RAP1GAP: variants seen among roughly 807,000 people sequenced by gnomAD.
RAP1GAP encodes the protein RAP1 GTPase activating protein.
Under a neutral mutation model 87.2 loss-of-function variants are expected in RAP1GAP, and 35 were observed. The observed-to-expected ratio is 0.40, with a 90% CI of 0.31 to 0.53. The LOEUF (loss-of-function observed/expected upper bound fraction) is 0.53, where lower values mean the gene tolerates loss of function less well. RAP1GAP is among the 20% of genes least tolerant of loss of function. The probability of loss-of-function intolerance (pLI) is 0.48; values close to 1 mark genes in which losing one functional copy is unlikely to be tolerated. For synonymous variants in RAP1GAP, 375 were observed against 363.9 expected, an observed-to-expected ratio of 1.03 and a Z score of -0.35; for missense variants, 734 against 898.9, an observed-to-expected ratio of 0.82 and a Z score of 2.35.
At chr1:21,606,330 G>A in intron 17 of RAP1GAP, 133 bp from the exon 18 acceptor site, 1 of 1,328,248 alleles carries the variant, frequency 7.5e-7, no homozygotes, top group Non-Finnish European at 1.0e-6. Flanking sequence ...CCCTTCCCCT[G>A]GGCATGTGGC....
At chr1:21,618,265 C>T (rs3767115) in intron 5 of RAP1GAP, among the ~76,000 whole-genome samples, 16 of 152,076 alleles carry the variant, frequency 1.1e-4, no homozygotes, top group African/African-American at 3.6e-4. Flanking sequence ...GCGGTCTGGG[C>T]GGGGTCTGAG....
chr1:21,653,530 T>C (rs1237636757), intron 1 of RAP1GAP, among the ~76,000 whole-genome samples: 1 of 150,992 alleles, frequency 6.6e-6, no homozygotes, highest in Non-Finnish European at 1.5e-5. Context: ...GAAGTTTGCC[T>C]GAGAAGGGAG....
chr1:21,649,821 A>G, intron 1 of RAP1GAP, 25 bp from the exon 2 acceptor site: 1 of 1,550,778 alleles, frequency 6.4e-7, no homozygotes, highest in Non-Finnish European at 8.7e-7. Flanking sequence ...GAGGGGCCAT[A>G]GGTGAGGGGA....
intron 20 of RAP1GAP, among the ~76,000 whole-genome samples, chr1:21,601,370 A>G (rs1270557775): frequency 6.6e-6 from 1 of 151,020 alleles, no homozygotes; most frequent in Non-Finnish European, 1.5e-5. Flanking sequence ...CATCCCCCCA[A>G]CCCTGCTTCG....
intron 3 of RAP1GAP, among the ~76,000 whole-genome samples, 157 bp from the exon 4 acceptor site, chr1:21,620,207 G>A (rs1220402149): frequency 6.6e-6 from 1 of 152,178 alleles, no homozygotes; most frequent in Non-Finnish European, 1.5e-5. Flanking sequence ...CGTGGGAGGG[G>A]GTTCTGTGTG....
chr1:21,598,070 G>A lies in RAP1GAP; in HGVS notation c.1880-6C>T. 1 of 1,513,440 alleles carries A rather than the reference G, an allele frequency of 6.6e-7. No individual in the cohort carries two copies. Among genetic ancestry groups the A allele is most frequent in the Non-Finnish European group, 8.9e-7 (1 of 1,118,036 alleles). The allele number at this position is 1,513,440 out of a possible 1,614,324, so 93.8% of individuals were successfully genotyped here. On this transcript the variant is annotated splice_region_variant and splice_polypyrimidine_tract_variant and intron_variant, in intron 22 of 24. Coordinates refer to ENST00000374765, the MANE Select transcript of RAP1GAP (RefSeq NM_002885.4). ...GTGGGGTGATCGAGAGGGGCCTGGG[G>A]AGGGGGGCAGGAGGGAGCCACCTCA...
rs1427683623 is a variant in RAP1GAP at position 21,610,197 on chromosome 1, T to G, written c.922A>C (p.Met308Leu). The G allele has an allele frequency of 6.2e-7, 1 of 1,614,132 alleles. No individual in the cohort carries two copies. The highest frequency in any genetic ancestry group is 1.1e-5 in the South Asian group (1 of 91,084). Reference protein sequence around the residue: ...QDENTPFVPDMIASNFLHAYV... With the variant: ...QDENTPFVPDLIASNFLHAYV... ...GCATGCAGGAAGTTGGACGCGATCA[T>G]GTCGGGCACGAAAGGAGTGTTCTCA... is the stretch of plus-strand genomic sequence containing the variant. Residue 308 changes from methionine to leucine, a missense_variant, in exon 14 of 25, where the codon ATG becomes CTG. Physicochemically the swap from Met to Leu is conservative, Grantham distance 15. This residue lies in a region of RAP1GAP where 485 missense variants were observed against 646.2 expected (regional missense o/e 0.75). Coordinates refer to ENST00000374765, the MANE Select transcript of RAP1GAP (RefSeq NM_002885.4).
At chr1:21,655,579 T>C (rs967664860) in intron 1 of RAP1GAP, among the ~76,000 whole-genome samples, 2 of 152,240 alleles carry the variant, frequency 1.3e-5, no homozygotes, top group African/African-American at 4.8e-5. Flanking sequence ...ACTGCCATCG[T>C]TGAAGGAGTT....
In RAP1GAP at chr1:21,606,133, G is replaced by T; in HGVS notation, c.1361C>A (p.Thr454Asn). 1 of 1,585,242 alleles carries T rather than the reference G, an allele frequency of 6.3e-7. No homozygotes were observed. Residue 454 changes from threonine (T) to asparagine (N), a missense_variant, in exon 18 of 25, where the codon ACC (threonine) becomes AAC (asparagine). By Grantham distance (65) the Thr-to-Asn change is moderately conservative. This residue lies in a region of RAP1GAP where 485 missense variants were observed against 646.2 expected (regional missense o/e 0.75). Transcript: ENST00000374765. The stretch of plus-strand genomic sequence containing the variant: ...GCTCCCGCTGTGGCTGGTGGACACG[G>T]TGTTGGGCTTCTTGTTGCTCAGCCC... ...AMGLSNKKPN[T>N]VSTSHSGSFA... is the part of the protein sequence containing the mutation.
At chr1:21,657,250 C>G (rs997906833) in intron 1 of RAP1GAP, among the ~76,000 whole-genome samples, 3 of 152,208 alleles carry the variant, frequency 2.0e-5, no homozygotes, top group Non-Finnish European at 4.4e-5. Flanking sequence ...AAGGTCAACT[C>G]CAGCTCCCAC....
At chr1:21,654,163 T>C (rs2152120347) in intron 1 of RAP1GAP, among the ~76,000 whole-genome samples, 1 of 152,356 alleles carries the variant, frequency 6.6e-6, no homozygotes, top group South Asian at 2.1e-4. Flanking sequence ...GGACAGTCCC[T>C]GACCAGCTCC....
Position 21,611,768 on chromosome 1 carries a change from C to T in RAP1GAP, c.661G>A (p.Val221Met), listed in dbSNP as rs138971525. The T allele has an allele frequency of 9.1e-5, 147 of 1,614,142 alleles. No individual in the cohort carries two copies. The highest frequency in any genetic ancestry group is 8.3e-4 in the African/African-American group (62 of 75,068). The change falls in exon 12 of 25, where the codon GTG (valine) becomes ATG (methionine). Residue 221 changes from valine to methionine, a missense_variant. This residue lies in a region of RAP1GAP where 485 missense variants were observed against 646.2 expected (regional missense o/e 0.75). Coordinates refer to ENST00000374765, the MANE Select transcript of RAP1GAP (RefSeq NM_002885.4). ...FSTNEESPAF[V>M]EFLEFLGQKV... is the part of the protein sequence containing the mutation. ...TGGCCAAGAAATTCAAGGAACTCCACGAAAGCGGGACTTTCCTCATTGGTG... is the reference window on the plus strand; with the variant it reads ...TGGCCAAGAAATTCAAGGAACTCCATGAAAGCGGGACTTTCCTCATTGGTG...
intron 1 of RAP1GAP, among the ~76,000 whole-genome samples, chr1:21,653,678 C>T (rs1458953477): frequency 2.0e-5 from 3 of 151,070 alleles, no homozygotes; most frequent in East Asian, 2.0e-4. Context: ...TAAGTAGTAG[C>T]AGCAGCAGCA....
In RAP1GAP at chr1:21,603,949, G is replaced by A. The variant is rs1362327972; in HGVS notation, c.1429-1036C>T. 7.2e-7 allele frequency: 1 copy of A among 1,397,750 alleles called. No homozygotes were observed. Among genetic ancestry groups the A allele is most frequent in the Admixed American group, 2.2e-5 (1 of 46,108 alleles). 86.6% of individuals were successfully genotyped at this position (1,397,750 alleles called of 1,614,324 possible). On this transcript the variant is annotated intron_variant, in intron 18 of 24. Coordinates refer to ENST00000374765, the MANE Select transcript of RAP1GAP (RefSeq NM_002885.4). The surrounding 1 kb of genome is among the most constrained non-coding windows in gnomAD (Gnocchi z 6.0). ...CAGAGGGCGGGGGCAGAGAGAGAGA[G>A]ACAGAGAGAGAGTCAGAGAGCAAGA...
Position 21,599,549 on chromosome 1 carries a change from C to T in RAP1GAP, c.1721G>A (p.Ser574Asn). 6.2e-7 allele frequency: 1 copy of T among 1,609,808 alleles called. No individual in the cohort carries two copies. The highest frequency in any genetic ancestry group is 8.5e-7 in the Non-Finnish European group (1 of 1,179,982). ...DFSRSSSSAS[S>N]FASVVEETEG... Reference sequence around the variant, plus strand: ...CGTCTCCTCCACCACGCTGGCGAAGCTGCTGGCACTGGACGAGGAGCGGGA... The same window carrying T: ...CGTCTCCTCCACCACGCTGGCGAAGTTGCTGGCACTGGACGAGGAGCGGGA... The change falls in exon 21 of 25, where the codon AGC (serine) becomes AAC (asparagine). Residue 574 changes from serine (S) to asparagine (N), a missense_variant. Ser to Asn is a conservative substitution (Grantham distance 46). This residue lies in a region of RAP1GAP where 249 missense variants were observed against 252.7 expected (regional missense o/e 0.99). Transcript: ENST00000374765.
chr1:21,628,485 C>T (rs1181011680), intron 2 of RAP1GAP, among the ~76,000 whole-genome samples: 2 of 149,294 alleles, frequency 1.3e-5, no homozygotes, highest in East Asian at 2.0e-4. Context: ...TTTGGGAGGC[C>T]GAGGTGGGCA....
At chr1:21,661,367 T>C (rs2097149656) in intron 1 of RAP1GAP, among the ~76,000 whole-genome samples, 1 of 152,056 alleles carries the variant, frequency 6.6e-6, no homozygotes, top group South Asian at 2.1e-4. Context: ...CCTGATCAGC[T>C]CTATAGTCTC....
rs145342478 is a variant in RAP1GAP, at chr1:21,619,051, G to A, written c.40C>T (p.Arg14Cys). 6.2e-6 allele frequency: 10 copies of A among 1,602,488 alleles called. No homozygotes were observed. Among genetic ancestry groups the A allele is most frequent in the Admixed American group, 5.1e-5 (3 of 59,020 alleles). The change falls in exon 5 of 25, where the codon CGC becomes TGC. Residue 14 changes from arginine (R) to cysteine (C), a missense_variant. Around this residue, in one of 2 missense-constraint regions of RAP1GAP, gnomAD observed 485 missense variants for 646.2 expected, o/e 0.75. Transcript: ENST00000374765. ...KMQGSRMDEQ[R>C]CSFPPPLKTE... ...TTGAGGGGCGGCGGGAAGGAGCAGC[G>A]TTGTTCATCCATCCTGCTTCCCTGT... is the stretch of plus-strand genomic sequence containing the variant.
chr1:21,656,451 AAAAG>A (rs1282136583), intron 1 of RAP1GAP, among the ~76,000 whole-genome samples: 2 of 144,704 alleles, frequency 1.4e-5, no homozygotes, highest in East Asian at 4.0e-4. Context: ...AAAAAAAAAA[AAAAG>A]ACCTAACAAC....
Sources: allele counts gnomAD v4.1 joint callset (sites outside exome capture counted in the v4.1 genomes callset), GRCh38; gene constraint gnomAD v4.1.1; regional missense constraint gnomAD v4.1.1; non-coding constraint Gnocchi (gnomAD v3.1); transcripts MANE v1.5; gene names NCBI Gene and HGNC (gene_info 2026-07-23, HGNC 2026-07-21).